The following ABLIM1 variants were observed in gnomAD, a reference collection of about 807,000 sequenced individuals.
ABLIM1 encodes the protein actin-binding LIM protein 1.
ABLIM1 carries 40 observed loss-of-function variants against 107.0 expected under a neutral mutation model. That is an observed-to-expected ratio of 0.37 (90% CI 0.29 to 0.49). ABLIM1 has a LOEUF of 0.49. Ranked by LOEUF, ABLIM1 falls within the 20% of genes least tolerant of loss-of-function variation. The probability of loss-of-function intolerance (pLI) is 0.97; values close to 1 mark genes in which losing one functional copy is unlikely to be tolerated. For synonymous variants in ABLIM1, 357 were observed against 357.3 expected, an observed-to-expected ratio of 1.00 and a Z score of 0.01; for missense variants, 857 against 1,008.5, an observed-to-expected ratio of 0.85 and a Z score of 2.04.
At chr10:114,549,007 GA>G (rs2067704954) in intron 4 of ABLIM1, among the ~76,000 whole-genome samples, 2 of 152,202 alleles carry the variant, frequency 1.3e-5, no homozygotes, top group South Asian at 4.1e-4. Flanking sequence ...AGAAAACCTT[GA>G]GACCCAATCG....
intron 6 of ABLIM1, among the ~76,000 whole-genome samples, chr10:114,518,643 G>A (rs1254893283): frequency 6.6e-6 from 1 of 151,030 alleles, no homozygotes; most frequent in African/African-American, 2.4e-5. Flanking sequence ...AACCATGTCT[G>A]TTCATTTACA....
rs1057203576 is a variant in ABLIM1 at position 114,619,283 on chromosome 10, A to G, written c.245-17322T>C. Reference sequence around the variant, plus strand: ...ACGATCTTAGCTCACTGCAACGTCCACCTCCCAGGTTCAAGCAATTCTCCT... The same window carrying G: ...ACGATCTTAGCTCACTGCAACGTCCGCCTCCCAGGTTCAAGCAATTCTCCT... On this transcript the variant is annotated intron_variant, in intron 1 of 22. Transcript: ENST00000533213. This position sits in a 1 kb window ranked among gnomAD's most constrained non-coding sequence, Gnocchi z 4.1. Among the ~76,000 whole-genome samples the G allele has an allele frequency of 6.8e-6, 1 of 147,228 alleles. No individual in the cohort carries two copies. Among genetic ancestry groups the G allele is most frequent in the African/African-American group, 2.5e-5 (1 of 39,510 alleles).
intron 1 of ABLIM1, among the ~76,000 whole-genome samples, chr10:114,705,770 T>G (rs1566257578): frequency 6.6e-6 from 1 of 152,236 alleles, no homozygotes; most frequent in Non-Finnish European, 1.5e-5. Context: ...TAAGATATTT[T>G]CATCAACAAA....
chr10:114,458,668 T>C (rs781115246), intron 12 of ABLIM1, among the ~76,000 whole-genome samples: 1 of 152,196 alleles, frequency 6.6e-6, no homozygotes, highest in Non-Finnish European at 1.5e-5. Flanking sequence ...GTCAAATATA[T>C]ATTTACATCA....
intron 1 of ABLIM1, among the ~76,000 whole-genome samples, chr10:114,615,146 T>C (rs923046865): frequency 4.6e-5 from 7 of 152,162 alleles, no homozygotes; most frequent in African/African-American, 1.4e-4. Context: ...CCCTTTGCCA[T>C]GCAACAACCA....
At chr10:114,653,376 T>TAA (rs35980324) in intron 1 of ABLIM1, among the ~76,000 whole-genome samples, 19 of 149,976 alleles carry the variant, frequency 1.3e-4, no homozygotes, top group Admixed American at 2.7e-4. Context: ...ACCCTGTCTC[T>TAA]AAAAAAAAAA....
the ABLIM1 span, among the ~76,000 whole-genome samples, chr10:114,784,823 G>A: frequency 6.6e-6 from 1 of 151,908 alleles, no homozygotes; most frequent in African/African-American, 2.4e-5. Context: ...ACCCAGATTT[G>A]TTTGATTCCA....
intron 1 of ABLIM1, among the ~76,000 whole-genome samples, chr10:114,612,527 G>A (rs1422750135): frequency 6.6e-6 from 1 of 152,222 alleles, no homozygotes; most frequent in Non-Finnish European, 1.5e-5. Flanking sequence ...GCCCATGTCA[G>A]CTGAATGTCA....
chr10:114,589,875 G>A (rs1394650364), intron 2 of ABLIM1, among the ~76,000 whole-genome samples: 1 of 152,168 alleles, frequency 6.6e-6, no homozygotes, highest in Non-Finnish European at 1.5e-5. Context: ...TGTGTACAGT[G>A]TAGATAAAGT....
At chr10:114,610,134 T>C (rs1009226829) in intron 1 of ABLIM1, among the ~76,000 whole-genome samples, 1 of 152,200 alleles carries the variant, frequency 6.6e-6, no homozygotes, top group African/African-American at 2.4e-5. Flanking sequence ...CAACACCTGC[T>C]AGTCAATACG....
intron 10 of ABLIM1, 145 bp from the exon 11 acceptor site, chr10:114,468,361 G>C (rs1419390281): frequency 7.3e-6 from 5 of 689,070 alleles, no homozygotes; most frequent in Non-Finnish European, 7.7e-6. Flanking sequence ...TGCAATCTCC[G>C]CCTCCCAGGT....
At chr10:114,618,644 T>G (rs561971839) in intron 1 of ABLIM1, among the ~76,000 whole-genome samples, 150 of 152,206 alleles carry the variant, frequency 9.9e-4, no homozygotes, top group Non-Finnish European at 1.8e-3. Context: ...CCAACTCAGA[T>G]GAGAACAGTG....
chr10:114,570,776 T>C (rs888302364), intron 4 of ABLIM1, among the ~76,000 whole-genome samples: 10 of 152,058 alleles, frequency 6.6e-5, no homozygotes, highest in African/African-American at 2.4e-4. Flanking sequence ...ACACAGCTAC[T>C]TTTTGCATTT....
chr10:114,493,746 A>G (rs2059317242), intron 6 of ABLIM1, among the ~76,000 whole-genome samples: 1 of 152,252 alleles, frequency 6.6e-6, no homozygotes, highest in Admixed American at 6.5e-5. Context: ...ATGGAACTTA[A>G]CTGATGAACA....
Position 114,577,006 on chromosome 10 carries a change from G to A in ABLIM1, c.380-1407C>T, listed in dbSNP as rs369578395. ...GCTTCTTCTTCCCCAGATGAGTCCT[G>A]TGGGTCAGGGGAACCCACGTGTGGA... On this transcript the variant is annotated intron_variant, in intron 2 of 22. Coordinates refer to ENST00000533213, the MANE Select transcript of ABLIM1 (RefSeq NM_002313.7). 3.3e-5 allele frequency among the ~76,000 whole-genome samples: 5 copies of A among 152,256 alleles called. No homozygotes were observed. The East Asian group carries it at 7.7e-4, about 24-fold the overall frequency.
chr10:114,488,062 T>C (rs1565557151), intron 7 of ABLIM1, 46 bp from the exon 8 acceptor site: 4 of 1,598,632 alleles, frequency 2.5e-6, no homozygotes, highest in Non-Finnish European at 3.4e-6. Context: ...AATGGAAAGA[T>C]ACAAAGTCCT....
the ABLIM1 span, among the ~76,000 whole-genome samples, chr10:114,773,990 AATG>A: frequency 6.6e-6 from 1 of 151,870 alleles, no homozygotes; most frequent in African/African-American, 2.4e-5. Context: ...ATACATTTGA[AATG>A]AAGAACTAGG....
intron 1 of ABLIM1, among the ~76,000 whole-genome samples, chr10:114,753,453 A>C (rs2082562339): frequency 4.6e-5 from 7 of 152,248 alleles, no homozygotes; most frequent in Admixed American, 4.6e-4. Flanking sequence ...AAATGAGCAA[A>C]GATTCTATCA....
chr10:114,565,002 C>T (rs2070456624), intron 4 of ABLIM1, among the ~76,000 whole-genome samples: 1 of 152,126 alleles, frequency 6.6e-6, no homozygotes, highest in African/African-American at 2.4e-5. Context: ...CTATTGTTTC[C>T]CATTGTATAG....
Sources: allele counts gnomAD v4.1 joint callset (sites outside exome capture counted in the v4.1 genomes callset), GRCh38; gene constraint gnomAD v4.1.1; non-coding constraint Gnocchi (gnomAD v3.1); transcripts MANE v1.5; gene names NCBI Gene and HGNC (gene_info 2026-07-23, HGNC 2026-07-21).